CCDC171: variants seen among roughly 807,000 people sequenced by gnomAD.
The protein encoded by CCDC171 is coiled-coil domain containing 171.
CCDC171 carries 177 observed loss-of-function variants against 168.2 expected under a neutral mutation model. That is an observed-to-expected ratio of 1.05 (90% confidence interval 0.93 to 1.19). CCDC171 has a LOEUF of 1.19. Among genes scored for constraint, CCDC171 ranks in the 50% most tolerant of loss-of-function variants. CCDC171 has a pLI of 0.00. For synonymous variants in CCDC171, 687 were observed against 540.8 expected (o/e 1.27, Z -3.75); for missense variants, 1,991 against 1,539.0 (o/e 1.29, Z -4.91).
At chr9:15,618,011 G>T (rs2044219945) in intron 6 of CCDC171, among the ~76,000 whole-genome samples, 1 of 152,192 alleles carries the variant, frequency 6.6e-6, no homozygotes, top group Non-Finnish European at 1.5e-5. Flanking sequence ...GAGGCAGTCT[G>T]TCCTTAGGAG....
At chr9:15,694,225 TC>T (rs1162962120) in intron 10 of CCDC171, among the ~76,000 whole-genome samples, 2 of 152,204 alleles carry the variant, frequency 1.3e-5, no homozygotes, top group Non-Finnish European at 2.9e-5. Context: ...TCTTTTCATT[TC>T]CCATCAAACA....
intron 6 of CCDC171, among the ~76,000 whole-genome samples, chr9:15,599,304 GT>G (rs1274697009): frequency 6.6e-6 from 1 of 152,154 alleles, no homozygotes; most frequent in Non-Finnish European, 1.5e-5. Flanking sequence ...TCCTTTCCAT[GT>G]TTAGTGCTTC....
At chr9:15,604,833 A>G (rs533287618) in intron 6 of CCDC171, among the ~76,000 whole-genome samples, 15 of 152,376 alleles carry the variant, frequency 9.8e-5, no homozygotes, top group Admixed American at 9.8e-4. Context: ...TCCACGTAAC[A>G]GAATAGTATG....
At chr9:15,911,041 A>G (rs186285229) in intron 24 of CCDC171, among the ~76,000 whole-genome samples, 1 of 152,294 alleles carries the variant, frequency 6.6e-6, no homozygotes, top group Non-Finnish European at 1.5e-5. Context: ...CATGATTTAT[A>G]ATCCTTTGGG....
intron 3 of CCDC171, among the ~76,000 whole-genome samples, chr9:15,985,396 G>A (rs1485041021): frequency 6.6e-6 from 1 of 152,172 alleles, no homozygotes; most frequent in African/African-American, 2.4e-5. Flanking sequence ...TAATCTGTAA[G>A]TCAGCAGCAG....
intron 7 of CCDC171, among the ~76,000 whole-genome samples, chr9:15,650,276 C>G (rs962083766): frequency 5.9e-5 from 9 of 152,022 alleles, no homozygotes; most frequent in African/African-American, 2.2e-4. Context: ...GGAGGGATAG[C>G]ATTAACAGAT....
intron 25 of CCDC171, 84 bp from the exon 26 acceptor site, chr9:15,971,525 G>C (rs1831353853): frequency 1.3e-6 from 1 of 776,284 alleles, no homozygotes; most frequent in Non-Finnish European, 2.1e-6. Context: ...ATGATTATTA[G>C]TCTACTTGCC....
chr9:16,029,826 C>T (rs1423352584), intron 6 of CCDC171, among the ~76,000 whole-genome samples: 3 of 152,158 alleles, frequency 2.0e-5, no homozygotes, highest in Admixed American at 1.3e-4. Flanking sequence ...TGTATGTGTT[C>T]AACTAGCTGG....
chr9:15,770,714 G>A (rs2135269242), intron 18 of CCDC171, among the ~76,000 whole-genome samples: 1 of 152,260 alleles, frequency 6.6e-6, no homozygotes, highest in Non-Finnish European at 1.5e-5. Context: ...GCTGTTTAAT[G>A]AATGAGTAAG....
intron 6 of CCDC171, among the ~76,000 whole-genome samples, chr9:15,601,523 C>G (rs537633353): frequency 1.3e-5 from 2 of 152,132 alleles, no homozygotes; most frequent in East Asian, 3.9e-4. Context: ...TTCATTTACT[C>G]GTTCATTCAT....
intron 10 of CCDC171, among the ~76,000 whole-genome samples, chr9:15,689,544 C>G (rs2050640996): frequency 6.6e-6 from 1 of 152,140 alleles, no homozygotes; most frequent in Non-Finnish European, 1.5e-5. Context: ...AACCCCGTCT[C>G]TACTAAAAAT....
rs1490536609 is a variant in CCDC171 at position 15,640,753 on chromosome 9, C to T, written c.823-16374C>T. 2.0e-5 allele frequency among the ~76,000 whole-genome samples: 3 copies of T among 152,176 alleles called. No homozygotes were observed. In the South Asian group the frequency reaches 6.2e-4, roughly 32 times the overall value. On this transcript the variant is annotated intron_variant, in intron 7 of 25. Coordinates refer to ENST00000380701, the MANE Select transcript of CCDC171 (RefSeq NM_173550.4). Reference sequence around the variant, plus strand: ...TAGACAGTTCTTAATTATGACCCTTCAATATATGACTCTAGCGATTAAGTG... The same window carrying T: ...TAGACAGTTCTTAATTATGACCCTTTAATATATGACTCTAGCGATTAAGTG...
chr9:15,664,689 G>GTT (rs1327362793), intron 8 of CCDC171, among the ~76,000 whole-genome samples: 2 of 133,006 alleles, frequency 1.5e-5, no homozygotes, highest in African/African-American at 6.2e-5. Flanking sequence ...AGGGAATATA[G>GTT]TTTTGTTTTT....
At chr9:15,620,077 A>G (rs535566986) in intron 6 of CCDC171, among the ~76,000 whole-genome samples, 2 of 152,346 alleles carry the variant, frequency 1.3e-5, no homozygotes, top group African/African-American at 4.8e-5. Flanking sequence ...GCACTTGGTT[A>G]CTGAAGAGCG....
rs12004797 is a variant in CCDC171, at chr9:15,592,343, C to A, written c.543+787C>A. ...CAATATAGTGAGACCCTGTCTCCCC[C>A]CAAAAAAGCAAAAAAACAAAACAAA... is the stretch of plus-strand genomic sequence containing the variant. On this transcript the variant is annotated intron_variant, in intron 5 of 25. Coordinates refer to ENST00000380701, the MANE Select transcript of CCDC171 (RefSeq NM_173550.4). 6.9e-3 allele frequency among the ~76,000 whole-genome samples: 1,036 copies of A among 151,086 alleles called. 8 individuals are homozygous for A. Among genetic ancestry groups the A allele is most frequent in the African/African-American group, 0.024 (1,002 of 41,122 alleles).
At chr9:15,561,978 A>C (rs1231301402) in intron 1 of CCDC171, among the ~76,000 whole-genome samples, 1 of 151,838 alleles carries the variant, frequency 6.6e-6, no homozygotes, top group South Asian at 2.1e-4. Context: ...TTCCATGGGC[A>C]GTTCACAGCA....
chr9:15,629,806 C>T (rs2045521338), intron 7 of CCDC171, among the ~76,000 whole-genome samples: 1 of 152,060 alleles, frequency 6.6e-6, no homozygotes, highest in Non-Finnish European at 1.5e-5. Flanking sequence ...AAAGGGAAGC[C>T]CATCAGACTA....
chr9:15,804,546 G>A (rs184545760), intron 21 of CCDC171, among the ~76,000 whole-genome samples: 2 of 151,888 alleles, frequency 1.3e-5, no homozygotes, highest in Admixed American at 6.6e-5. Context: ...ATTGATTTGA[G>A]TACAGTGAAC....
chr9:15,801,922 A>G (rs2058845700), intron 21 of CCDC171, among the ~76,000 whole-genome samples: 1 of 152,076 alleles, frequency 6.6e-6, no homozygotes, highest in South Asian at 2.1e-4. Flanking sequence ...GATGTATCAC[A>G]TTTATTGGCA....
Sources: allele counts gnomAD v4.1 joint callset (sites outside exome capture counted in the v4.1 genomes callset), GRCh38; gene constraint gnomAD v4.1.1; transcripts MANE v1.5; gene names NCBI Gene and HGNC (gene_info 2026-07-23, HGNC 2026-07-21).